Variants in CDH3 observed in about 807,000 individuals in gnomAD.
CDH3 encodes cadherin 3, also known as cadherin-3.
A neutral mutation model predicts 82.0 loss-of-function variants in CDH3; 54 were observed. The observed-to-expected ratio is 0.66, with a 90% CI of 0.53 to 0.83. The LOEUF (loss-of-function observed/expected upper bound fraction) is 0.83, where lower values mean the gene tolerates loss of function less well. Ranked by LOEUF, CDH3 falls within the 40% of genes least tolerant of loss-of-function variation. The pLI is 0.00. For missense variants in CDH3, 1,054 were observed against 1,084.6 expected, an observed-to-expected ratio of 0.97 and a Z score of 0.40; for synonymous variants, 446 against 437.9, an observed-to-expected ratio of 1.02 and a Z score of -0.23.
Position 68,687,748 on chromosome 16 carries a change from A to C in CDH3, c.1795+12A>C. On this transcript the variant is annotated intron_variant, in intron 12 of 15. Transcript: ENST00000264012. The stretch of plus-strand genomic sequence containing the variant: ...GGTCAACGAGGAAGGTACCTGAGTG[A>C]GTGGTGGTAGCGGGTGGGGTGCCAG... 6.2e-7 allele frequency: 1 copy of C among 1,602,550 alleles called. No homozygotes were observed. Among genetic ancestry groups the C allele is most frequent in the Non-Finnish European group, 8.5e-7 (1 of 1,169,954 alleles).
chr16:68,650,938 A>G, intron 2 of CDH3: 1 of 129,790 alleles, frequency 7.7e-6, no homozygotes, highest in Non-Finnish European at 1.6e-5. Context: ...TGAACAGGTT[A>G]AAAAAAAAAA....
intron 2 of CDH3, among the ~76,000 whole-genome samples, chr16:68,653,592 C>G (rs1157395494): frequency 6.6e-6 from 1 of 152,076 alleles, no homozygotes; most frequent in East Asian, 1.9e-4. Flanking sequence ...GGGAGAAAAG[C>G]TTCCCTTTCT....
chr16:68,673,151 G>A (rs1019323340), intron 2 of CDH3, among the ~76,000 whole-genome samples: 8 of 152,000 alleles, frequency 5.3e-5, no homozygotes, highest in African/African-American at 1.7e-4. Flanking sequence ...ATTTTTGTTG[G>A]GTCTGTACAT....
chr16:68,695,978 C>T, intron 15 of CDH3, 55 bp downstream of exon 15: 1 of 1,590,920 alleles, frequency 6.3e-7, no homozygotes. Flanking sequence ...CAGCACCAGC[C>T]ACACAGGAGA....
intron 2 of CDH3, among the ~76,000 whole-genome samples, chr16:68,666,569 C>T (rs190306916): frequency 2.6e-5 from 4 of 152,290 alleles, no homozygotes; most frequent in African/African-American, 4.8e-5. Flanking sequence ...CTCCTCAAAA[C>T]GGGTCTGGCT....
chr16:68,707,412 A>T lies in CDH3; in HGVS notation c.99+11489A>T, dbSNP rs540115067. Among the ~76,000 whole-genome samples, 5 of 152,328 alleles carry T rather than the reference A, an allele frequency of 3.3e-5. No individual in the cohort carries two copies. The South Asian group carries it at 1.0e-3, about 32-fold the overall frequency. ...CTCAGCTCCATCCCGGGGCTGGCAGAACCTGGTTCCTCCTCTGCTGTATCC... is the reference window on the plus strand; with the variant it reads ...CTCAGCTCCATCCCGGGGCTGGCAGTACCTGGTTCCTCCTCTGCTGTATCC... On this transcript the variant is annotated intron_variant, in intron 1 of 2. Transcript: ENST00000569080. The surrounding 1 kb of genome is among the most constrained non-coding windows in gnomAD (Gnocchi z 4.5).
At chr16:68,667,992 C>T (rs1280473357) in intron 2 of CDH3, among the ~76,000 whole-genome samples, 1 of 152,048 alleles carries the variant, frequency 6.6e-6, no homozygotes, top group African/African-American at 2.4e-5. Flanking sequence ...TTTTCCCTTC[C>T]CCGACAGTAT....
intron 2 of CDH3, among the ~76,000 whole-genome samples, chr16:68,657,412 G>A (rs1332842220): frequency 6.6e-6 from 1 of 152,198 alleles, no homozygotes; most frequent in Admixed American, 6.5e-5. Flanking sequence ...TACTCGGGAG[G>A]CTGAGGTAGA....
intron 1 of CDH3, among the ~76,000 whole-genome samples, chr16:68,721,426 G>T (rs1306567850): frequency 1.3e-5 from 2 of 151,846 alleles, no homozygotes; most frequent in African/African-American, 2.4e-5. Context: ...TAGAGACGGG[G>T]TTTCACCATA....
chr16:68,701,155 A>G (rs1961887903), downstream of CDH3, among the ~76,000 whole-genome samples: 2 of 152,066 alleles, frequency 1.3e-5, no homozygotes, highest in Admixed American at 6.6e-5. Context: ...CCCCTGAGAT[A>G]TTTGGAGGAA....
At chr16:68,677,014 G>A (rs1354151045) in intron 3 of CDH3, among the ~76,000 whole-genome samples, 1 of 152,122 alleles carries the variant, frequency 6.6e-6, no homozygotes, top group Non-Finnish European at 1.5e-5. Flanking sequence ...GTTAACCACT[G>A]TTCCCAGTTT....
At chr16:68,680,161 G>A (rs1420972587) in intron 7 of CDH3, among the ~76,000 whole-genome samples, 187 bp downstream of exon 7, 1 of 152,228 alleles carries the variant, frequency 6.6e-6, no homozygotes, top group Admixed American at 6.5e-5. Flanking sequence ...GTGGCCCGCT[G>A]CCAGCCAATC....
chr16:68,685,116 C>T (rs1961367861), intron 10 of CDH3, 89 bp from the exon 11 acceptor site: 3 of 1,469,636 alleles, frequency 2.0e-6, no homozygotes, highest in Non-Finnish European at 1.9e-6. Flanking sequence ...GCCCAGAGGC[C>T]ATCTGCCAGT....
intron 2 of CDH3, among the ~76,000 whole-genome samples, chr16:68,673,989 T>G (rs1960963386): frequency 6.6e-6 from 1 of 152,232 alleles, no homozygotes; most frequent in African/African-American, 2.4e-5. Context: ...ATAACACTGC[T>G]GTAAAAATGA....
chr16:68,714,306 A>G (rs9806960), intron 1 of CDH3, among the ~76,000 whole-genome samples: 130,221 of 152,000 alleles, frequency 0.86, 55,924 homozygotes, highest in Non-Finnish European at 0.88. Flanking sequence ...CCCCAGCACC[A>G]AGCACAGGAC....
intron 2 of CDH3, among the ~76,000 whole-genome samples, chr16:68,661,132 T>C (rs2152093390): frequency 6.6e-6 from 1 of 152,218 alleles, no homozygotes; most frequent in Non-Finnish European, 1.5e-5. Context: ...ACTTAAAACT[T>C]TTAATTTGGG....
chr16:68,660,543 A>C (rs1193649046), intron 2 of CDH3, among the ~76,000 whole-genome samples: 1 of 152,166 alleles, frequency 6.6e-6, no homozygotes, highest in East Asian at 1.9e-4. Context: ...TAAAGCAGAC[A>C]CTCATTTCTG....
At chr16:68,654,178 G>T (rs1258625305) in intron 2 of CDH3, among the ~76,000 whole-genome samples, 1 of 148,930 alleles carries the variant, frequency 6.7e-6, no homozygotes, top group Non-Finnish European at 1.5e-5. Context: ...TCCTGCCTCA[G>T]CCTCCTGAAT....
intron 2 of CDH3, among the ~76,000 whole-genome samples, chr16:68,673,153 T>A (rs1960932297): frequency 6.6e-6 from 1 of 152,194 alleles, no homozygotes; most frequent in Admixed American, 6.5e-5. Flanking sequence ...TTTTGTTGGG[T>A]CTGTACATCA....
Sources: allele counts gnomAD v4.1 joint callset (sites outside exome capture counted in the v4.1 genomes callset), GRCh38; gene constraint gnomAD v4.1.1; non-coding constraint Gnocchi (gnomAD v3.1); transcripts MANE v1.5; gene names NCBI Gene and HGNC (gene_info 2026-07-23, HGNC 2026-07-21).